The following SPIRE1 variants were observed in gnomAD, a reference collection of about 807,000 sequenced individuals.
The protein encoded by SPIRE1 is spire type actin nucleation factor 1, also known as protein spire homolog 1.
Under a neutral mutation model 94.1 loss-of-function variants are expected in SPIRE1, and 40 were observed. The observed-to-expected ratio is 0.43, with a 90% confidence interval of 0.33 to 0.55. The LOEUF (loss-of-function observed/expected upper bound fraction) is 0.55. SPIRE1 is among the 20% of genes least tolerant of loss of function. The pLI is 0.06. For missense variants in SPIRE1, 838 were observed against 975.2 expected, an observed-to-expected ratio of 0.86 and a Z score of 1.87; for synonymous variants, 376 against 371.7, an observed-to-expected ratio of 1.01 and a Z score of -0.13.
chr18:12,610,781 C>G (rs2037117528), intron 2 of SPIRE1, among the ~76,000 whole-genome samples: 1 of 152,156 alleles, frequency 6.6e-6, no homozygotes, highest in Non-Finnish European at 1.5e-5. Context: ...CTCCTGAAAC[C>G]TGATACCTCT....
chr18:12,489,567 T>C (rs1442707893), intron 8 of SPIRE1, among the ~76,000 whole-genome samples: 1 of 152,130 alleles, frequency 6.6e-6, no homozygotes, highest in Non-Finnish European at 1.5e-5. Flanking sequence ...AGAAAACAAA[T>C]GATCAGAGAC....
intron 4 of SPIRE1, among the ~76,000 whole-genome samples, chr18:12,526,270 G>A (rs984030569): frequency 2.0e-5 from 3 of 152,084 alleles, no homozygotes; most frequent in Non-Finnish European, 4.4e-5. Flanking sequence ...TACCTTGCTT[G>A]CTCTCATCTC....
rs185508253 is a variant in SPIRE1 at position 12,519,456 on chromosome 18, T to C, written c.730-6925A>G. On this transcript the variant is annotated intron_variant, in intron 4 of 16. Transcript: ENST00000409402. ...ATAGCTGGACTGACTCTGCTCTACA[T>C]AGCTGGACTGACATTATCTGCTAAT... 3.3e-5 allele frequency among the ~76,000 whole-genome samples: 5 copies of C among 152,304 alleles called. No individual in the cohort carries two copies. The South Asian group carries it at 1.0e-3, about 32-fold the overall frequency.
At chr18:12,616,452 C>T (rs897536941) in intron 2 of SPIRE1, among the ~76,000 whole-genome samples, 3 of 152,266 alleles carry the variant, frequency 2.0e-5, no homozygotes, top group South Asian at 4.1e-4. Flanking sequence ...TGACCAGGCA[C>T]AGGGTGTTGA....
chr18:12,466,704 A>T (rs1030407372), intron 10 of SPIRE1, among the ~76,000 whole-genome samples: 7 of 152,142 alleles, frequency 4.6e-5, no homozygotes, highest in East Asian at 3.9e-4. Flanking sequence ...AATTTAAAAA[A>T]TTTTTGTTTT....
At position 12,541,867 on chromosome 18, in the gene SPIRE1, AAAAG is replaced by A. The variant is rs538758862; in HGVS notation, c.603+4803_603+4806del. The stretch of plus-strand genomic sequence containing the variant: ...CTAGTAGCCACATCAAAAAAAAATA[AAAAG>A]AAACAAGTGAAATTAACTTTGATAA... On this transcript the variant is annotated intron_variant, in intron 3 of 16. Coordinates refer to ENST00000409402, the MANE Select transcript of SPIRE1 (RefSeq NM_001128626.2). Among the ~76,000 whole-genome samples the A allele has an allele frequency of 1.0e-3, 157 of 152,288 alleles. 1 individual carries two copies. Among genetic ancestry groups the A allele is most frequent in the African/African-American group, 3.5e-3 (147 of 41,558 alleles).
At chr18:12,556,435 C>T (rs910228404) in intron 2 of SPIRE1, among the ~76,000 whole-genome samples, 14 of 152,134 alleles carry the variant, frequency 9.2e-5, no homozygotes, top group East Asian at 5.8e-4. Context: ...ACACTGTGTC[C>T]GGAATTGGTG....
At chr18:12,598,849 T>C (rs7240653) in intron 2 of SPIRE1, among the ~76,000 whole-genome samples, 2,430 of 152,092 alleles carry the variant, frequency 0.016, 72 homozygotes, top group African/African-American at 0.056. Context: ...CCCTCTGGAG[T>C]TCTAGCTTCT....
At chr18:12,577,120 C>T (rs2036127170) in intron 2 of SPIRE1, among the ~76,000 whole-genome samples, 1 of 152,022 alleles carries the variant, frequency 6.6e-6, no homozygotes, top group Admixed American at 6.6e-5. Context: ...AGACCCCTGC[C>T]TCATACCATA....
At chr18:12,658,855 A>G, upstream of SPIRE1, 1 of 307,166 alleles carries the variant, frequency 3.3e-6, no homozygotes, top group Non-Finnish European at 6.6e-6. Flanking sequence ...TGGAATATAA[A>G]CATGTACATA....
intron 2 of SPIRE1, among the ~76,000 whole-genome samples, chr18:12,629,823 A>C (rs2037727374): frequency 6.6e-6 from 1 of 152,236 alleles, no homozygotes; most frequent in South Asian, 2.1e-4. Flanking sequence ...TAAAGTAAAA[A>C]AATTTGCATG....
intron 1 of SPIRE1, among the ~76,000 whole-genome samples, chr18:12,650,020 C>T (rs1454168267): frequency 2.0e-5 from 3 of 151,722 alleles, no homozygotes; most frequent in African/African-American, 7.3e-5. Context: ...CAGGCAGATA[C>T]TTGAGGCCCA....
chr18:12,459,807 G>A (rs2031695204), intron 12 of SPIRE1: 1 of 985,804 alleles, frequency 1.0e-6, no homozygotes, highest in African/African-American at 1.7e-5. Flanking sequence ...ATAATACATA[G>A]CCCCTGCTAC....
chr18:12,493,748 C>G (rs920373061), intron 7 of SPIRE1, among the ~76,000 whole-genome samples: 4 of 152,184 alleles, frequency 2.6e-5, no homozygotes, highest in Admixed American at 6.5e-5. Context: ...TCTGCCTGAG[C>G]CTCCCAAGTG....
chr18:12,479,920 C>T (rs766515132), intron 9 of SPIRE1, 49 bp from the exon 10 acceptor site: 1 of 1,570,802 alleles, frequency 6.4e-7, no homozygotes, highest in Admixed American at 1.8e-5. Context: ...GAAAGGTTAT[C>T]TGTGTTGGAA....
At chr18:12,457,106 C>G (rs1309337096) in intron 12 of SPIRE1, among the ~76,000 whole-genome samples, 2 of 152,186 alleles carry the variant, frequency 1.3e-5, no homozygotes, top group Admixed American at 1.3e-4. Context: ...GCTGGGATCA[C>G]AGGCATGAGC....
At chr18:12,452,070 G>T (rs2031267118) in intron 16 of SPIRE1, among the ~76,000 whole-genome samples, 185 bp downstream of exon 16, 1 of 152,144 alleles carries the variant, frequency 6.6e-6, no homozygotes, top group African/African-American at 2.4e-5. Flanking sequence ...CAAGTAGCTA[G>T]CCATTATTCC....
At chr18:12,657,467 G>A (rs2038581964) in intron 1 of SPIRE1, 63 bp downstream of exon 1, 3 of 1,184,578 alleles carry the variant, frequency 2.5e-6, no homozygotes, top group Middle Eastern at 3.0e-4. Flanking sequence ...GGACGCTGAG[G>A]GTAAGGCGGC....
intron 4 of SPIRE1, among the ~76,000 whole-genome samples, chr18:12,530,369 G>C (rs545840462): frequency 5.3e-5 from 8 of 152,168 alleles, no homozygotes; most frequent in Non-Finnish European, 1.0e-4. Context: ...CCTCCTCCCC[G>C]ATTTTTATGT....
Sources: allele counts gnomAD v4.1 joint callset (sites outside exome capture counted in the v4.1 genomes callset), GRCh38; gene constraint gnomAD v4.1.1; transcripts MANE v1.5; gene names NCBI Gene and HGNC (gene_info 2026-07-23, HGNC 2026-07-21).